THSD4: variants seen among roughly 807,000 people sequenced by gnomAD.
The protein encoded by THSD4 is thrombospondin type-1 domain-containing protein 4.
In THSD4, 69 loss-of-function variants were observed where a neutral mutation model predicts 119.0. The observed-to-expected ratio is 0.58, with a 90% CI of 0.48 to 0.71. THSD4 has a LOEUF of 0.71. THSD4 is among the 30% of genes least tolerant of loss of function. THSD4 has a pLI of 0.00. For missense variants in THSD4, 1,393 were observed against 1,391.1 expected, an observed-to-expected ratio of 1.00 and a Z score of -0.02; for synonymous variants, 524 against 540.4, an observed-to-expected ratio of 0.97 and a Z score of 0.42.
chr15:71,314,986 A>G (rs1395227995), intron 6 of THSD4, among the ~76,000 whole-genome samples: 2 of 152,206 alleles, frequency 1.3e-5, no homozygotes, highest in African/African-American at 4.8e-5. Flanking sequence ...ATTCAGGCTC[A>G]TAGTTAATTC....
At chr15:71,496,990 A>G (rs1243173996) in intron 7 of THSD4, among the ~76,000 whole-genome samples, 3 of 152,176 alleles carry the variant, frequency 2.0e-5, no homozygotes, top group South Asian at 2.1e-4. Flanking sequence ...AAGGAAATAC[A>G]TGAACACTGG....
At chr15:71,436,635 T>G (rs2047016536) in intron 7 of THSD4, among the ~76,000 whole-genome samples, 1 of 152,174 alleles carries the variant, frequency 6.6e-6, no homozygotes, top group South Asian at 2.1e-4. Context: ...CTTCCCCCTT[T>G]ACTTTCTGGA....
chr15:71,154,436 C>A (rs564275417), intron 2 of THSD4, among the ~76,000 whole-genome samples: 1 of 152,322 alleles, frequency 6.6e-6, no homozygotes, highest in East Asian at 1.9e-4. Context: ...AAAGCCCATG[C>A]TTTTCCCTGA....
intron 6 of THSD4, among the ~76,000 whole-genome samples, chr15:71,379,923 G>T (rs555194507): frequency 6.6e-6 from 1 of 152,156 alleles, no homozygotes; most frequent in South Asian, 2.1e-4. Flanking sequence ...GACCAGGGCT[G>T]CTACATGGCT....
intron 7 of THSD4, among the ~76,000 whole-genome samples, chr15:71,426,670 C>G (rs1224365400): frequency 1.3e-5 from 2 of 152,094 alleles, no homozygotes; most frequent in African/African-American, 4.8e-5. Context: ...CTAATTTGCC[C>G]AAATTCCAAC....
In THSD4 at chr15:71,206,868, T is replaced by C. The variant is rs559280509; in HGVS notation, c.100-8167T>C. Among the ~76,000 whole-genome samples the C allele has an allele frequency of 7.2e-5, 11 of 152,332 alleles. No homozygotes were observed. In the South Asian group the frequency reaches 2.3e-3, roughly 32 times the overall value. On this transcript the variant is annotated intron_variant, in intron 3 of 17. Transcript: ENST00000261862. ...TATTGAGCAAGCAATATTGTAACCATGACTGAAATTTTTTAAATTACGAGA... is the reference window on the plus strand; with the variant it reads ...TATTGAGCAAGCAATATTGTAACCACGACTGAAATTTTTTAAATTACGAGA...
chr15:71,654,441 A>G (rs1282836273), intron 7 of THSD4, among the ~76,000 whole-genome samples: 1 of 152,176 alleles, frequency 6.6e-6, no homozygotes, highest in Non-Finnish European at 1.5e-5. Flanking sequence ...GATGTTTCCA[A>G]TTTTTTATTA....
chr15:71,264,833 G>A (rs143711908), intron 6 of THSD4, among the ~76,000 whole-genome samples: 1 of 152,112 alleles, frequency 6.6e-6, no homozygotes, highest in East Asian at 1.9e-4. Context: ...CATTTCTTAT[G>A]TTAATAAAGC....
At chr15:71,266,488 C>A (rs552380380) in intron 6 of THSD4, among the ~76,000 whole-genome samples, 1 of 152,190 alleles carries the variant, frequency 6.6e-6, no homozygotes, top group East Asian at 1.9e-4. Flanking sequence ...GGTAGATAAA[C>A]CCACAAAGAT....
chr15:71,243,958 T>G (rs528667185), intron 5 of THSD4, among the ~76,000 whole-genome samples: 10 of 151,870 alleles, frequency 6.6e-5, no homozygotes, highest in Non-Finnish European at 1.5e-5. Flanking sequence ...CTAATTTTTC[T>G]GTTTTTTTAG....
rs71154772 is a variant in THSD4, at chr15:71,442,660, G to GTATATATATA, written c.1152+30871_1152+30880dup. On this transcript the variant is annotated intron_variant, in intron 7 of 17. Transcript: ENST00000261862. ...TGTGTGTATATGTGTGTGTGTGTGT[G>GTATATATATA]TATATATATATATATATATATATAT... Among the ~76,000 whole-genome samples, 23 of 25,786 alleles carry GTATATATATA rather than the reference G, an allele frequency of 8.9e-4. 1 individual carries two copies. The highest frequency in any genetic ancestry group is 1.6e-3 in the African/African-American group (15 of 9,258). The allele number at this position is 25,786 out of a possible 152,430, so 16.9% of individuals were successfully genotyped here.
chr15:71,717,599 C>A (rs374760439), intron 8 of THSD4, among the ~76,000 whole-genome samples: 168 of 143,814 alleles, frequency 1.2e-3, no homozygotes, highest in Middle Eastern at 7.5e-3. Flanking sequence ...TTTAGCATAG[C>A]AAAAAAAAAA....
intron 7 of THSD4, among the ~76,000 whole-genome samples, chr15:71,546,317 A>G (rs1412764339): frequency 2.0e-5 from 3 of 151,918 alleles, no homozygotes; most frequent in Non-Finnish European, 2.9e-5. Context: ...CCTTGAGCCC[A>G]CTCTAGGCAG....
intron 2 of THSD4, among the ~76,000 whole-genome samples, chr15:71,142,566 C>T (rs1402680644): frequency 6.6e-6 from 1 of 151,728 alleles, no homozygotes; most frequent in Non-Finnish European, 1.5e-5. Context: ...TGATAAATAC[C>T]GACATTTGAA....
At chr15:71,599,326 C>T (rs757143495) in intron 7 of THSD4, among the ~76,000 whole-genome samples, 2 of 152,126 alleles carry the variant, frequency 1.3e-5, no homozygotes, top group Non-Finnish European at 2.9e-5. Flanking sequence ...TTGTCCCCTG[C>T]GGAGAGTCCA....
chr15:71,257,614 G>A (rs2044334819), intron 6 of THSD4, among the ~76,000 whole-genome samples: 1 of 152,160 alleles, frequency 6.6e-6, no homozygotes, highest in Non-Finnish European at 1.5e-5. Context: ...GATTGATAGT[G>A]AGTTGTGATG....
intron 8 of THSD4, among the ~76,000 whole-genome samples, chr15:71,726,028 C>T (rs948916239): frequency 6.6e-6 from 1 of 152,208 alleles, no homozygotes; most frequent in Non-Finnish European, 1.5e-5. Context: ...GATCTGCCCG[C>T]CTCAGCCTCC....
intron 7 of THSD4, among the ~76,000 whole-genome samples, chr15:71,639,625 A>G (rs2050815217): frequency 6.6e-6 from 1 of 152,228 alleles, no homozygotes; most frequent in African/African-American, 2.4e-5. Context: ...TTTAGATGTA[A>G]CAACACAGAC....
intron 6 of THSD4, among the ~76,000 whole-genome samples, chr15:71,315,438 C>CA (rs2045173429): frequency 6.6e-6 from 1 of 152,164 alleles, no homozygotes; most frequent in Admixed American, 6.5e-5. Flanking sequence ...GCCTGCATGA[C>CA]ACTCCGTCTT....
Sources: gnomAD v4.1 joint callset for allele counts (sites outside exome capture counted in the v4.1 genomes callset) on GRCh38, gnomAD v4.1.1 for gene constraint, MANE v1.5 for transcripts, NCBI Gene and HGNC (gene_info 2026-07-23, HGNC 2026-07-21) for gene names.